AGBL4: variants seen among roughly 807,000 people sequenced by gnomAD.
AGBL4 encodes AGBL carboxypeptidase 4.
AGBL4 carries 58 observed loss-of-function variants against 66.4 expected under a neutral mutation model. That is an observed-to-expected ratio of 0.87 (90% CI 0.71 to 1.09). AGBL4 has a LOEUF of 1.09. Among genes scored for constraint, AGBL4 ranks in the 50% least tolerant of loss-of-function variants. The pLI, the probability that AGBL4 is intolerant of heterozygous loss-of-function variation, is 0.00. For synonymous variants in AGBL4, 234 were observed against 222.9 expected (o/e 1.05, Z -0.44); for missense variants, 579 against 631.0 (o/e 0.92, Z 0.88).
chr1:49,810,330 T>A (rs1198635469), intron 2 of AGBL4, among the ~76,000 whole-genome samples: 2 of 152,098 alleles, frequency 1.3e-5, no homozygotes, highest in Non-Finnish European at 2.9e-5. Context: ...ATGTATGTCA[T>A]TAAAGGGCCT....
chr1:48,717,794 A>G (rs1270295017), intron 6 of AGBL4, among the ~76,000 whole-genome samples: 1 of 152,206 alleles, frequency 6.6e-6, no homozygotes, highest in Non-Finnish European at 1.5e-5. Flanking sequence ...TCTCAGAAGG[A>G]CTTGCTTTTG....
intron 3 of AGBL4, among the ~76,000 whole-genome samples, chr1:49,296,231 T>A (rs970808761): frequency 6.6e-6 from 1 of 152,192 alleles, no homozygotes; most frequent in Non-Finnish European, 1.5e-5. Context: ...ATATCTCTAT[T>A]ATACAGTTGA....
At chr1:49,366,071 T>A (rs1398087623) in intron 3 of AGBL4, among the ~76,000 whole-genome samples, 2 of 152,096 alleles carry the variant, frequency 1.3e-5, no homozygotes, top group Non-Finnish European at 2.9e-5. Flanking sequence ...CATCCCTACT[T>A]CCTTCTCCAG....
intron 4 of AGBL4, among the ~76,000 whole-genome samples, chr1:49,241,847 T>C (rs1651264731): frequency 6.6e-6 from 1 of 152,048 alleles, no homozygotes; most frequent in South Asian, 2.1e-4. Context: ...CACATTTGTT[T>C]CTTATAACAA....
chr1:49,853,747 T>C (rs188110746), intron 1 of AGBL4, among the ~76,000 whole-genome samples: 113 of 152,164 alleles, frequency 7.4e-4, no homozygotes, highest in African/African-American at 2.6e-3. Context: ...CTTTGAAATA[T>C]ATAAACTGTG....
At chr1:48,707,447 A>G (rs1184048494) in intron 6 of AGBL4, among the ~76,000 whole-genome samples, 2 of 152,190 alleles carry the variant, frequency 1.3e-5, no homozygotes, top group African/African-American at 4.8e-5. Flanking sequence ...GGATGAGAAG[A>G]GAGAGCTTCC....
intron 5 of AGBL4, among the ~76,000 whole-genome samples, chr1:48,901,040 T>C (rs1373546772): frequency 6.6e-6 from 1 of 152,176 alleles, no homozygotes; most frequent in Admixed American, 6.5e-5. Flanking sequence ...AGCAACCTAA[T>C]TTTAGTAAAA....
chr1:49,880,539 T>C (rs1647202219), intron 1 of AGBL4, among the ~76,000 whole-genome samples: 1 of 152,064 alleles, frequency 6.6e-6, no homozygotes, highest in Non-Finnish European at 1.5e-5. Flanking sequence ...AGCTGCGTGC[T>C]GGGAGAACCA....
chr1:48,939,503 C>T (rs1481370800), intron 5 of AGBL4, among the ~76,000 whole-genome samples: 1 of 152,144 alleles, frequency 6.6e-6, no homozygotes, highest in Admixed American at 6.5e-5. Flanking sequence ...AAATTAAAAG[C>T]TCAAGAAAGG....
At chr1:49,560,225 A>T (rs933873587) in intron 3 of AGBL4, among the ~76,000 whole-genome samples, 6 of 152,170 alleles carry the variant, frequency 3.9e-5, no homozygotes, top group Non-Finnish European at 7.3e-5. Context: ...GAAATCCAAG[A>T]TAACACGGAG....
intron 3 of AGBL4, among the ~76,000 whole-genome samples, chr1:49,294,900 A>G (rs913111235): frequency 2.6e-5 from 4 of 152,204 alleles, no homozygotes; most frequent in African/African-American, 7.2e-5. Flanking sequence ...ATACTTGTTT[A>G]CTTGTCTGCA....
rs368936861 is a variant in AGBL4, at chr1:49,203,230, G to A, written c.377+42540C>T. 3.7e-4 allele frequency among the ~76,000 whole-genome samples: 56 copies of A among 152,068 alleles called. 1 individual carries two copies. The South Asian group carries it at 9.6e-3, about 26-fold the overall frequency. On this transcript the variant is annotated intron_variant, in intron 4 of 13. Coordinates refer to ENST00000371839, the MANE Select transcript of AGBL4 (RefSeq NM_032785.4). Reference sequence around the variant, plus strand: ...AGTATGGAGGTTCCTCAGAAAATTTGAAGTAGAACTACAGTATGATCCAGG... The same window carrying A: ...AGTATGGAGGTTCCTCAGAAAATTTAAAGTAGAACTACAGTATGATCCAGG...
chr1:49,346,088 A>C (rs1161208793), intron 3 of AGBL4, among the ~76,000 whole-genome samples: 1 of 152,194 alleles, frequency 6.6e-6, no homozygotes, highest in Non-Finnish European at 1.5e-5. Flanking sequence ...TGCACTTTAT[A>C]ATCAGTCCAA....
intron 3 of AGBL4, among the ~76,000 whole-genome samples, chr1:49,446,886 G>T (rs1235137543): frequency 6.6e-6 from 1 of 152,184 alleles, no homozygotes; most frequent in Non-Finnish European, 1.5e-5. Flanking sequence ...ACAGCCTCAG[G>T]CATGCTGCTC....
intron 3 of AGBL4, among the ~76,000 whole-genome samples, chr1:49,500,902 A>C (rs1177100344): frequency 6.6e-6 from 1 of 152,022 alleles, no homozygotes; most frequent in Admixed American, 6.6e-5. Flanking sequence ...TCAGTTATCT[A>C]GTTCTGTAAA....
At chr1:49,589,961 G>A (rs1644722114) in intron 3 of AGBL4, among the ~76,000 whole-genome samples, 1 of 152,012 alleles carries the variant, frequency 6.6e-6, no homozygotes, top group South Asian at 2.1e-4. Context: ...TTGACAGAGT[G>A]TTTCTTTGTA....
intron 3 of AGBL4, among the ~76,000 whole-genome samples, chr1:49,431,726 C>A (rs1645791021): frequency 2.0e-5 from 3 of 151,972 alleles, no homozygotes; most frequent in Admixed American, 1.3e-4. Context: ...TGATTCACTT[C>A]TTTGCATTAA....
At chr1:48,549,741 C>G (rs539421161) in intron 11 of AGBL4, among the ~76,000 whole-genome samples, 33 of 150,710 alleles carry the variant, frequency 2.2e-4, no homozygotes, top group African/African-American at 8.1e-4. Context: ...AAACAGGGAG[C>G]AAATGACAGA....
chr1:49,651,283 C>T (rs550172005), intron 3 of AGBL4, among the ~76,000 whole-genome samples: 3 of 152,246 alleles, frequency 2.0e-5, no homozygotes, highest in Admixed American at 1.3e-4. Flanking sequence ...TACCCCTCTC[C>T]CCAAGACCTC....
Sources: gnomAD v4.1 joint callset for allele counts (sites outside exome capture counted in the v4.1 genomes callset) on GRCh38, gnomAD v4.1.1 for gene constraint, MANE v1.5 for transcripts, NCBI Gene and HGNC (gene_info 2026-07-23, HGNC 2026-07-21) for gene names.